Variants in LHX8 observed in about 807,000 individuals in gnomAD.
The protein encoded by LHX8 is LIM/homeobox protein Lhx8.
Under a neutral mutation model 40.3 loss-of-function variants are expected in LHX8, and 12 were observed. The ratio of observed to expected loss-of-function variants is 0.30; its 90% confidence interval spans 0.19 to 0.48. LHX8 has a LOEUF of 0.48. Among genes scored for constraint, LHX8 ranks in the 20% least tolerant of loss-of-function variants. The pLI, the probability that LHX8 is intolerant of heterozygous loss-of-function variation, is 0.99. For missense variants in LHX8, 344 were observed against 433.7 expected (o/e 0.79, Z 1.84); for synonymous variants, 179 against 162.0 (o/e 1.10, Z -0.80).
chr1:75,130,766 TC>T, upstream of LHX8: 1 of 1,608,368 alleles, frequency 6.2e-7, no homozygotes, highest in Non-Finnish European at 8.5e-7. Flanking sequence ...AGAAGCAATC[TC>T]CTAAAGTCTT....
At chr1:75,176,773 C>T in the LHX8 span, among the ~76,000 whole-genome samples, 11 of 152,166 alleles carry the variant, frequency 7.2e-5, no homozygotes, top group South Asian at 2.3e-3. Flanking sequence ...ATGGTATTGC[C>T]TAGGTTTTCT....
the LHX8 span, among the ~76,000 whole-genome samples, chr1:75,170,789 T>C: frequency 6.6e-6 from 1 of 152,132 alleles, no homozygotes; most frequent in Non-Finnish European, 1.5e-5. Context: ...AGATCACACT[T>C]TGAGAAACCC....
the LHX8 span, among the ~76,000 whole-genome samples, chr1:75,168,528 G>A: frequency 6.6e-6 from 1 of 152,058 alleles, no homozygotes; most frequent in Admixed American, 6.6e-5. Flanking sequence ...CACCTGGCCT[G>A]GTCATTGTTT....
At chr1:75,136,515 C>T in intron 1 of LHX8, 88 bp from the exon 2 acceptor site, 1 of 1,021,566 alleles carries the variant, frequency 9.8e-7, no homozygotes, top group Non-Finnish European at 1.5e-6. Flanking sequence ...CCTTCATTAG[C>T]TCGCTCCCCG....
chr1:75,151,434 T>C (rs1160370741), intron 7 of LHX8, among the ~76,000 whole-genome samples: 1 of 152,206 alleles, frequency 6.6e-6, no homozygotes, highest in East Asian at 1.9e-4. Context: ...CATGCCATAA[T>C]ATTAAAGGCA....
chr1:75,165,695 CAG>C (rs1649016901), downstream of LHX8, among the ~76,000 whole-genome samples: 1 of 152,150 alleles, frequency 6.6e-6, no homozygotes, highest in African/African-American at 2.4e-5. Flanking sequence ...AGTAAGCACT[CAG>C]GGATTGAATG....
At chr1:75,196,128 G>A in the LHX8 span, among the ~76,000 whole-genome samples, 3 of 152,180 alleles carry the variant, frequency 2.0e-5, no homozygotes, top group East Asian at 3.9e-4. Flanking sequence ...TTTTAATAAC[G>A]ATCGAGTTGG....
the LHX8 span, among the ~76,000 whole-genome samples, chr1:75,180,096 G>A: frequency 2.0e-5 from 3 of 152,112 alleles, no homozygotes; most frequent in South Asian, 2.1e-4. Context: ...TGGGTAACCC[G>A]ACCTTTCTCT....
the LHX8 span, among the ~76,000 whole-genome samples, chr1:75,180,431 T>C: frequency 2.0e-5 from 3 of 152,200 alleles, no homozygotes; most frequent in East Asian, 3.8e-4. Context: ...TGACTTCATT[T>C]CATTAATTTG....
At position 75,143,886 on chromosome 1, in the gene LHX8, G is replaced by T. The variant is rs906927847; in HGVS notation, c.622G>T (p.Asp208Tyr). Residue 208 changes from aspartate to tyrosine, a missense_variant, in exon 6 of 9, where the codon GAT becomes TAT. By Grantham distance (160) the Asp-to-Tyr change is radical. This residue lies in a region of LHX8 where 147 missense variants were observed against 250.8 expected (regional missense o/e 0.59). Transcript: ENST00000356261. ...SVEGALLTEQ[D>Y]VNHPKPAKRA... ...GGAAGGTGCCCTCCTCACAGAGCAA[G>T]ATGTTAACCATCCAAAACCAGCAAA... 3 of 1,613,276 alleles carry T rather than the reference G, an allele frequency of 1.9e-6. No individual in the cohort carries two copies. In the African/African-American group the frequency reaches 4.0e-5, roughly 22 times the overall value.
the LHX8 span, among the ~76,000 whole-genome samples, chr1:75,189,259 A>T: frequency 1.3e-5 from 2 of 152,240 alleles, no homozygotes; most frequent in African/African-American, 4.8e-5. Flanking sequence ...ATAAGATAAC[A>T]GTGAGTAAAC....
chr1:75,145,389 C>G (rs1648434162), intron 6 of LHX8, among the ~76,000 whole-genome samples: 1 of 152,036 alleles, frequency 6.6e-6, no homozygotes, highest in Non-Finnish European at 1.5e-5. Context: ...TGATAACTTT[C>G]ATTTGATATA....
intron 7 of LHX8, among the ~76,000 whole-genome samples, chr1:75,152,098 C>T (rs1648627481): frequency 6.6e-6 from 1 of 152,296 alleles, no homozygotes; most frequent in African/African-American, 2.4e-5. Context: ...ATAAGAATTA[C>T]TGTGATCTCA....
At chr1:75,194,558 C>T in the LHX8 span, among the ~76,000 whole-genome samples, 1 of 152,214 alleles carries the variant, frequency 6.6e-6, no homozygotes, top group Non-Finnish European at 1.5e-5. Context: ...ATAGCCACCA[C>T]CTGTGCTTTC....
the LHX8 span, among the ~76,000 whole-genome samples, chr1:75,181,453 G>A: frequency 0.011 from 1,616 of 152,228 alleles, 36 homozygotes; most frequent in African/African-American, 0.037. Flanking sequence ...TTGCCAGTTC[G>A]ATCTCGGACT....
At chr1:75,185,390 A>G in the LHX8 span, among the ~76,000 whole-genome samples, 1 of 152,204 alleles carries the variant, frequency 6.6e-6, no homozygotes, top group Non-Finnish European at 1.5e-5. Flanking sequence ...AGCACAGAAG[A>G]AAGCTAATCC....
the LHX8 span, among the ~76,000 whole-genome samples, chr1:75,181,477 G>C: frequency 6.6e-5 from 10 of 152,260 alleles, no homozygotes; most frequent in Admixed American, 2.0e-4. Flanking sequence ...AGTGAGCAAG[G>C]CTCCATGGGC....
At chr1:75,187,979 G>A in the LHX8 span, among the ~76,000 whole-genome samples, 3 of 152,274 alleles carry the variant, frequency 2.0e-5, no homozygotes, top group African/African-American at 7.2e-5. Context: ...GGGAAGGTGA[G>A]CCATTGTAGC....
chr1:75,170,025 C>T, the LHX8 span, among the ~76,000 whole-genome samples: 1 of 152,278 alleles, frequency 6.6e-6, no homozygotes, highest in South Asian at 2.1e-4. Context: ...CAGCAGATAC[C>T]CCAGGTCTAT....
Sources: gnomAD v4.1 joint callset for allele counts (sites outside exome capture counted in the v4.1 genomes callset) on GRCh38, gnomAD v4.1.1 for gene constraint, gnomAD v4.1.1 regional missense constraint, MANE v1.5 for transcripts, NCBI Gene and HGNC (gene_info 2026-07-23, HGNC 2026-07-21) for gene names.